Variants in KDM4C observed in about 807,000 individuals in gnomAD.
The protein encoded by KDM4C is lysine-specific demethylase 4C.
Under a neutral mutation model 129.3 loss-of-function variants are expected in KDM4C, and 81 were observed. The ratio of observed to expected loss-of-function variants is 0.63; its 90% CI spans 0.52 to 0.75. The LOEUF (loss-of-function observed/expected upper bound fraction) is 0.75. Among genes scored for constraint, KDM4C ranks in the 30% least tolerant of loss-of-function variants. KDM4C has a pLI of 0.00. For synonymous variants in KDM4C, 573 were observed against 456.1 expected (o/e 1.26, Z -3.26); for missense variants, 1,457 against 1,304.0 (o/e 1.12, Z -1.81).
chr9:7,050,784 C>G (rs1564044769), intron 17 of KDM4C, among the ~76,000 whole-genome samples: 2 of 152,208 alleles, frequency 1.3e-5, no homozygotes, highest in Non-Finnish European at 2.9e-5. Context: ...TTAACGTTAC[C>G]CACATCAGTC....
intron 2 of KDM4C, among the ~76,000 whole-genome samples, chr9:6,800,274 C>G (rs926871835): frequency 6.6e-6 from 1 of 151,936 alleles, no homozygotes; most frequent in Non-Finnish European, 1.5e-5. Flanking sequence ...GGCTGGGACA[C>G]GAGAATCACT....
At chr9:6,774,101 T>A (rs1210265138) in intron 1 of KDM4C, among the ~76,000 whole-genome samples, 1 of 151,998 alleles carries the variant, frequency 6.6e-6, no homozygotes, top group Non-Finnish European at 1.5e-5. Flanking sequence ...CTGGTCAGGC[T>A]GGTTTCGAAC....
chr9:6,951,927 T>A lies in KDM4C; in HGVS notation c.922-28998T>A, dbSNP rs1487417038. On this transcript the variant is annotated intron_variant, in intron 8 of 21. Coordinates refer to ENST00000381309, the MANE Select transcript of KDM4C (RefSeq NM_015061.6). ...ATCTTTTGTCATTTTAAGTTTTAAA[T>A]TTTTTTTTCTCTTTATGCCTTTAAT... 4.6e-5 allele frequency among the ~76,000 whole-genome samples: 7 copies of A among 151,926 alleles called. No homozygotes were observed. The East Asian group carries it at 1.3e-3, about 29-fold the overall frequency.
intron 8 of KDM4C, among the ~76,000 whole-genome samples, chr9:6,956,924 C>T (rs563216677): frequency 1.3e-5 from 2 of 152,276 alleles, no homozygotes; most frequent in East Asian, 3.9e-4. Context: ...CCTTCTCTGC[C>T]ATCCTCTGGC....
chr9:6,842,261 C>G (rs1247196613), intron 4 of KDM4C, among the ~76,000 whole-genome samples: 1 of 150,970 alleles, frequency 6.6e-6, no homozygotes, highest in African/African-American at 2.4e-5. Flanking sequence ...TTAATGCCTG[C>G]TACATTTTTT....
intron 6 of KDM4C, 31 bp downstream of exon 6, chr9:6,880,092 T>A: frequency 6.9e-7 from 1 of 1,441,604 alleles, no homozygotes; most frequent in African/African-American, 1.4e-5. Context: ...TTGTTTTCTG[T>A]GTTTTATATG....
chr9:7,018,892 A>G (rs1447483887), intron 15 of KDM4C, among the ~76,000 whole-genome samples: 1 of 152,196 alleles, frequency 6.6e-6, no homozygotes, highest in Non-Finnish European at 1.5e-5. Flanking sequence ...TTTGTATTTT[A>G]ATATTGAAAC....
At chr9:6,921,980 A>G (rs572670553) in intron 8 of KDM4C, among the ~76,000 whole-genome samples, 1 of 152,276 alleles carries the variant, frequency 6.6e-6, no homozygotes, top group South Asian at 2.1e-4. Context: ...TCTCACTGAT[A>G]TCATTTCTCA....
chr9:7,103,648 A>G lies in KDM4C; in HGVS notation c.2425-37A>G, dbSNP rs747133774. The G allele has an allele frequency of 1.8e-5, 27 of 1,537,948 alleles. No individual in the cohort carries two copies. In the South Asian group the frequency reaches 2.3e-4, roughly 13 times the overall value. On this transcript the variant is annotated intron_variant, in intron 17 of 21. Transcript: ENST00000381309. ...TTGTGGGAACTGACTGGGTTACAGAATGTGAATTGATGTTCTTCTCTGTTT... is the reference window on the plus strand; with the variant it reads ...TTGTGGGAACTGACTGGGTTACAGAGTGTGAATTGATGTTCTTCTCTGTTT...
chr9:6,831,548 G>A (rs1203778791), intron 4 of KDM4C, among the ~76,000 whole-genome samples: 1 of 151,944 alleles, frequency 6.6e-6, no homozygotes, highest in African/African-American at 2.4e-5. Context: ...TCACCATGTT[G>A]GCCAGGCTGG....
intron 4 of KDM4C, among the ~76,000 whole-genome samples, chr9:6,839,396 G>GTTTT (rs36061484): frequency 6.4e-5 from 7 of 109,902 alleles, no homozygotes; most frequent in Admixed American, 1.0e-4. Context: ...CACCTGGCCA[G>GTTTT]TTTTTTTTTT....
At chr9:7,002,620 T>C (rs899737244) in intron 12 of KDM4C, among the ~76,000 whole-genome samples, 1 of 152,234 alleles carries the variant, frequency 6.6e-6, no homozygotes, top group Non-Finnish European at 1.5e-5. Context: ...CAGCTTTCTT[T>C]AGGAGTTTTC....
At chr9:7,140,922 T>G (rs191215376) in intron 19 of KDM4C, among the ~76,000 whole-genome samples, 3 of 152,262 alleles carry the variant, frequency 2.0e-5, no homozygotes, top group Admixed American at 2.0e-4. Context: ...CAGTGCGACC[T>G]GAATGAAGAT....
At chr9:7,034,947 T>A (rs1827373604) in intron 15 of KDM4C, among the ~76,000 whole-genome samples, 1 of 152,200 alleles carries the variant, frequency 6.6e-6, no homozygotes, top group Admixed American at 6.5e-5. Context: ...TTTTGTATAT[T>A]TGTTTTCCAT....
chr9:6,902,713 G>A (rs961285090), intron 8 of KDM4C: 2 of 152,196 alleles, frequency 1.3e-5, no homozygotes, highest in African/African-American at 2.4e-5. Flanking sequence ...TCAGGCCTGA[G>A]GTGCTGAGAA....
chr9:6,759,562 A>G (rs1818967941), intron 1 of KDM4C, among the ~76,000 whole-genome samples: 1 of 152,154 alleles, frequency 6.6e-6, no homozygotes. Flanking sequence ...GTTTTCACAT[A>G]AGCTTTACAG....
chr9:6,904,892 A>G (rs1229277490), intron 8 of KDM4C, among the ~76,000 whole-genome samples: 11 of 152,212 alleles, frequency 7.2e-5, no homozygotes, highest in Admixed American at 7.2e-4. Flanking sequence ...GAATAACACA[A>G]AAGAAAAAAA....
At chr9:6,892,211 G>C (rs1000089018) in intron 7 of KDM4C, among the ~76,000 whole-genome samples, 17 of 152,118 alleles carry the variant, frequency 1.1e-4, no homozygotes, top group African/African-American at 3.9e-4. Flanking sequence ...ATTGGGTGCT[G>C]CTGGGTTAGA....
Position 7,011,726 on chromosome 9 carries a change from G to A in KDM4C, c.1815G>A (p.Glu605=). 1 of 1,614,120 alleles carries A rather than the reference G, an allele frequency of 6.2e-7. No homozygotes were observed. Residue 605 remains glutamate, a synonymous_variant, in exon 13 of 22, where the codon GAG becomes GAA. Coordinates refer to ENST00000381309, the MANE Select transcript of KDM4C (RefSeq NM_015061.6). The stretch of plus-strand genomic sequence containing the variant: ...TGCCTGAGGTTCTGTCCATTGAGGA[G>A]GAAGTGGAAGAAACAGAGTCTTGGG... The part of the protein sequence containing the change: ...EELPEVLSIE[E]EVEETESWAK...
Sources: allele counts gnomAD v4.1 joint callset (sites outside exome capture counted in the v4.1 genomes callset), GRCh38; gene constraint gnomAD v4.1.1; transcripts MANE v1.5; gene names NCBI Gene and HGNC (gene_info 2026-07-23, HGNC 2026-07-21).